Variants in DST observed in about 807,000 individuals in gnomAD.
DST encodes bullous pemphigoid antigen.
DST carries 253 observed loss-of-function variants against 875.2 expected under a neutral mutation model. The observed-to-expected ratio is 0.29, with a 90% CI of 0.26 to 0.32. DST has a LOEUF of 0.32. Among genes scored for constraint, DST ranks in the 10% least tolerant of loss-of-function variants. DST has a pLI of 1.00. For missense variants in DST, 8,287 were observed against 9,111.6 expected, an observed-to-expected ratio of 0.91 and a Z score of 3.68; for synonymous variants, 3,124 against 3,197.1, an observed-to-expected ratio of 0.98 and a Z score of 0.77.
chr6:56,624,313 G>T lies in DST; in HGVS notation c.4929+217C>A, dbSNP rs1166896731. On this transcript the variant is annotated intron_variant, in intron 36 of 103. Coordinates refer to ENST00000680361, the MANE Select transcript of DST (RefSeq NM_001374736.1). ...AAGTGAAAATGTAAAGTCATGAAGT[G>T]AAATGACTTTCTATTTGAATGAATC... 21 of 647,842 alleles carry T rather than the reference G, an allele frequency of 3.2e-5. 1 individual carries two copies. The South Asian group carries it at 3.8e-4, about 12-fold the overall frequency. 40.1% of individuals were successfully genotyped at this position (647,842 alleles called of 1,614,324 possible). A position where few individuals can be genotyped will look rare whatever the true frequency, so the allele number is the denominator to read the frequency against.
Position 56,645,800 on chromosome 6 carries a change from C to A in DST, c.1778+66G>T, listed in dbSNP as rs2098939212. 1.9e-6 allele frequency: 3 copies of A among 1,575,498 alleles called. No individual in the cohort carries two copies. The East Asian group carries it at 6.7e-5, about 35-fold the overall frequency. Reference sequence around the variant, plus strand: ...AGTAAACAGAGGTTTAACTTAAGTTCTTTCACAAGAACACAAAGGCCCCCT... The same window carrying A: ...AGTAAACAGAGGTTTAACTTAAGTTATTTCACAAGAACACAAAGGCCCCCT... On this transcript the variant is annotated intron_variant, in intron 15 of 103. Coordinates refer to ENST00000680361, the MANE Select transcript of DST (RefSeq NM_001374736.1).
At chr6:56,815,627 G>C (rs2099765601) in intron 4 of DST, among the ~76,000 whole-genome samples, 1 of 152,114 alleles carries the variant, frequency 6.6e-6, no homozygotes, top group Non-Finnish European at 1.5e-5. Flanking sequence ...TGAAGCCCAA[G>C]TCCCAGCACC....
intron 4 of DST, among the ~76,000 whole-genome samples, chr6:56,848,966 G>C (rs1763515384): frequency 6.6e-6 from 1 of 151,778 alleles, no homozygotes; most frequent in African/African-American, 2.4e-5. Context: ...TTGAACCCAA[G>C]AGGCGGAGGT....
intron 90 of DST, among the ~76,000 whole-genome samples, chr6:56,478,659 G>A (rs921664544): frequency 1.3e-5 from 2 of 152,132 alleles, no homozygotes; most frequent in African/African-American, 4.8e-5. Context: ...CATATAGAAT[G>A]TTAGAGATCT....
At position 56,482,678 on chromosome 6, in the gene DST, T is replaced by G. The variant is rs1195333097; in HGVS notation, c.21402+5A>C. On this transcript the variant is annotated splice_donor_5th_base_variant and intron_variant, in intron 89 of 103. Coordinates refer to ENST00000680361, the MANE Select transcript of DST (RefSeq NM_001374736.1). ...ACACCCAGCTCTCATTTACATGGTT[T>G]TTACCTGACGCAGGGCTGCTTCTAA... 8 of 1,611,224 alleles carry G rather than the reference T, an allele frequency of 5.0e-6. No individual in the cohort carries two copies. The highest frequency in any genetic ancestry group is 6.8e-6 in the Non-Finnish European group (8 of 1,178,424).
chr6:56,671,687 A>G (rs909465134), intron 9 of DST, among the ~76,000 whole-genome samples: 5 of 152,236 alleles, frequency 3.3e-5, no homozygotes, highest in African/African-American at 1.2e-4. Context: ...GTAATTCCAA[A>G]GCTGAGATTA....
intron 4 of DST, among the ~76,000 whole-genome samples, chr6:56,819,780 G>GAAGTAA (rs2099770922): frequency 6.6e-6 from 1 of 152,160 alleles, no homozygotes; most frequent in Non-Finnish European, 1.5e-5. Context: ...CACTGTCCTT[G>GAAGTAA]CCTTCAATGT....
At chr6:56,529,326 CT>C in intron 66 of DST, 121 bp downstream of exon 66, 3 of 852,570 alleles carry the variant, frequency 3.5e-6, no homozygotes, top group Non-Finnish European at 5.0e-6. Context: ...TATAAACAGT[CT>C]TTTTTTAAGT....
At chr6:56,942,543 T>C (rs1817146698) in intron 2 of DST, among the ~76,000 whole-genome samples, 1 of 152,046 alleles carries the variant, frequency 6.6e-6, no homozygotes, top group Non-Finnish European at 1.5e-5. Context: ...TAAGTTAATA[T>C]GCCACTTCAC....
chr6:56,472,018 G>C (rs771802510), intron 94 of DST, 41 bp downstream of exon 94: 1 of 1,604,204 alleles, frequency 6.2e-7, no homozygotes, highest in Non-Finnish European at 8.5e-7. Flanking sequence ...GAGGAATGAG[G>C]GCAAATGACA....
intron 34 of DST, among the ~76,000 whole-genome samples, chr6:56,626,688 C>T (rs561706153): frequency 5.9e-5 from 9 of 152,178 alleles, no homozygotes; most frequent in African/African-American, 2.2e-4. Flanking sequence ...AAGATGGGGA[C>T]AAAATCAGAA....
intron 4 of DST, among the ~76,000 whole-genome samples, chr6:56,786,460 G>C (rs950260180): frequency 1.3e-5 from 2 of 152,170 alleles, no homozygotes; most frequent in Admixed American, 1.3e-4. Flanking sequence ...TTATCACCAA[G>C]CTCCATAGTT....
chr6:56,735,723 C>T (rs893783735), intron 4 of DST, among the ~76,000 whole-genome samples: 1 of 152,198 alleles, frequency 6.6e-6, no homozygotes, highest in African/African-American at 2.4e-5. Flanking sequence ...GGATAAAAGA[C>T]TTGTTCATGA....
At chr6:56,916,643 T>C (rs2613120) in intron 2 of DST, among the ~76,000 whole-genome samples, 149,425 of 151,794 alleles carry the variant, frequency 0.98, 73,551 homozygotes, top group East Asian at 1. Flanking sequence ...GCCCCAGCTA[T>C]CTGGGAGGCT....
intron 4 of DST, among the ~76,000 whole-genome samples, chr6:56,765,490 T>G (rs145245593): frequency 6.6e-6 from 1 of 152,104 alleles, no homozygotes; most frequent in Non-Finnish European, 1.5e-5. Flanking sequence ...GTAGAAATAA[T>G]GCACGAAACA....
intron 5 of DST, among the ~76,000 whole-genome samples, chr6:56,731,737 G>A (rs2099499398): frequency 6.6e-6 from 1 of 152,060 alleles, no homozygotes; most frequent in African/African-American, 2.4e-5. Context: ...CCAACCTCTT[G>A]CAGTTATAAC....
chr6:56,872,825 C>CG (rs200028432), intron 3 of DST, among the ~76,000 whole-genome samples: 24,925 of 135,772 alleles, frequency 0.18, 2,669 homozygotes, highest in African/African-American at 0.28. Flanking sequence ...CACTGATTCC[C>CG]CCCCCCCTTT....
At chr6:56,907,091 T>C (rs1755987896) in intron 2 of DST, among the ~76,000 whole-genome samples, 1 of 152,176 alleles carries the variant, frequency 6.6e-6, no homozygotes, top group African/African-American at 2.4e-5. Context: ...CTGCTTGGAC[T>C]GTGAATATTA....
chr6:56,463,081 C>T lies in DST; in HGVS notation c.23035G>A (p.Ala7679Thr), dbSNP rs201138592. The change falls in exon 102 of 104, where the codon GCA becomes ACA. Residue 7679 changes from alanine to threonine, a missense_variant. Physicochemically the swap from Ala to Thr is moderately conservative, Grantham distance 58 (BLOSUM62 0). Coordinates refer to ENST00000680361, the MANE Select transcript of DST (RefSeq NM_001374736.1). ...GGCACGGGAAAGTCTGAGCACTCTGCTGCTTTACAAGGAGTTGACATTTTG... is the reference window on the plus strand; with the variant it reads ...GGCACGGGAAAGTCTGAGCACTCTGTTGCTTTACAAGGAGTTGACATTTTG... ...NSKMSTPCKA[A>T]ECSDFPVPSA... is the part of the protein sequence containing the mutation. 1.2e-6 allele frequency: 2 copies of T among 1,613,552 alleles called. No homozygotes were observed. Among genetic ancestry groups the T allele is most frequent in the African/African-American group, 2.7e-5 (2 of 74,992 alleles).
Sources: gnomAD v4.1 joint callset for allele counts (sites outside exome capture counted in the v4.1 genomes callset) on GRCh38, gnomAD v4.1.1 for gene constraint, MANE v1.5 for transcripts, NCBI Gene and HGNC (gene_info 2026-07-23, HGNC 2026-07-21) for gene names.